Variants in CYRIB observed in about 807,000 individuals in gnomAD.
CYRIB encodes CYFIP-related Rac1 interactor B.
Under a neutral mutation model 44.2 loss-of-function variants are expected in CYRIB, and 8 were observed. That is an observed-to-expected ratio of 0.18 (90% confidence interval 0.11 to 0.33). The LOEUF is 0.33. CYRIB is among the 10% of genes least tolerant of loss of function. CYRIB has a pLI of 1.00. For synonymous variants in CYRIB, 131 were observed against 127.2 expected (o/e 1.03, Z -0.20); for missense variants, 185 against 382.8 (o/e 0.48, Z 4.31).
chr8:129,870,360 T>C (rs868796150), intron 4 of CYRIB, among the ~76,000 whole-genome samples: 1 of 152,206 alleles, frequency 6.6e-6, no homozygotes, highest in African/African-American at 2.4e-5. Flanking sequence ...TAGTGAGCTG[T>C]GGTTGCACCA....
At chr8:129,917,502 T>C (rs1334616769) in intron 1 of CYRIB, among the ~76,000 whole-genome samples, 1 of 152,160 alleles carries the variant, frequency 6.6e-6, no homozygotes, top group East Asian at 1.9e-4. Flanking sequence ...GTAATTGTAA[T>C]GGCATAGGAC....
upstream of CYRIB, among the ~76,000 whole-genome samples, chr8:129,943,723 C>G (rs983338806): frequency 1.3e-5 from 2 of 148,954 alleles, no homozygotes; most frequent in South Asian, 2.2e-4. Context: ...CTCAGCCTCC[C>G]GAGCAGCTGG....
In CYRIB at chr8:129,946,293, CTAGAG is replaced by C. The variant is rs1394442251; in HGVS notation, c.-243+24645_-243+24649del. Among the ~76,000 whole-genome samples the C allele has an allele frequency of 2.6e-5, 4 of 152,316 alleles. No individual in the cohort carries two copies. The East Asian group carries it at 7.7e-4, about 29-fold the overall frequency. On this transcript the variant is annotated intron_variant, in intron 2 of 14. Coordinates refer to the CYRIB transcript ENST00000401979. ...GACATCTTTCAATATGCTTCAGCACCTAGAGTATAGTTTTTGCTGCCTCTGTATCC... is the reference window on the plus strand; with the variant it reads ...GACATCTTTCAATATGCTTCAGCACCTATAGTTTTTGCTGCCTCTGTATCC...
intron 11 of CYRIB, among the ~76,000 whole-genome samples, chr8:129,845,956 C>T (rs979827953): frequency 4.9e-4 from 75 of 152,164 alleles, no homozygotes; most frequent in African/African-American, 1.8e-3. Context: ...CCAGCCTGGC[C>T]AACATGGTGA....
At chr8:130,001,743 G>A (rs921008941) in intron 1 of CYRIB, among the ~76,000 whole-genome samples, 1 of 151,952 alleles carries the variant, frequency 6.6e-6, no homozygotes, top group East Asian at 1.9e-4. Context: ...ACTTCCAAAA[G>A]TGTTGGGATT....
At chr8:129,997,341 C>G (rs2096798376) in intron 1 of CYRIB, among the ~76,000 whole-genome samples, 1 of 152,170 alleles carries the variant, frequency 6.6e-6, no homozygotes, top group South Asian at 2.1e-4. Flanking sequence ...ACAGAATGAG[C>G]CTCCTTTTTT....
intron 1 of CYRIB, among the ~76,000 whole-genome samples, chr8:129,981,461 C>T (rs1181708475): frequency 6.6e-6 from 1 of 152,112 alleles, no homozygotes; most frequent in Non-Finnish European, 1.5e-5. Flanking sequence ...CCAGCCCCAC[C>T]CTTTTTTAAG....
chr8:129,878,667 C>A (rs2133849145), intron 3 of CYRIB, among the ~76,000 whole-genome samples: 1 of 152,010 alleles, frequency 6.6e-6, no homozygotes, highest in African/African-American at 2.4e-5. Flanking sequence ...TATCAACAGC[C>A]AAAAAAAGCA....
intron 2 of CYRIB, among the ~76,000 whole-genome samples, chr8:129,884,587 C>T (rs561207322): frequency 1.9e-4 from 29 of 152,128 alleles, no homozygotes; most frequent in Non-Finnish European, 3.4e-4. Flanking sequence ...CAGGCCCGGC[C>T]GGATTTAAGA....
intron 1 of CYRIB, among the ~76,000 whole-genome samples, chr8:129,985,600 C>G (rs987504017): frequency 4.0e-5 from 6 of 151,830 alleles, no homozygotes; most frequent in Admixed American, 3.3e-4. Context: ...TAATTAAAAT[C>G]AAATATTTGC....
At chr8:129,987,983 A>G (rs2096525835) in intron 1 of CYRIB, among the ~76,000 whole-genome samples, 1 of 152,160 alleles carries the variant, frequency 6.6e-6, no homozygotes, top group African/African-American at 2.4e-5. Context: ...TGATGTCTTC[A>G]ATGTAAAGTT....
chr8:129,890,887 T>A, intron 2 of CYRIB, among the ~76,000 whole-genome samples: 1 of 145,212 alleles, frequency 6.9e-6, no homozygotes, highest in Non-Finnish European at 1.5e-5. Flanking sequence ...AGTGAGAATG[T>A]CCCAAAAAAG....
Position 129,846,868 on chromosome 8 carries a change from CT to C in CYRIB, c.846del (p.Gly283ValfsTer18). The C allele has an allele frequency of 6.3e-7, 1 of 1,579,694 alleles. No individual in the cohort carries two copies. The highest frequency in any genetic ancestry group is 1.4e-5 in the African/African-American group (1 of 72,830). On this transcript the variant is annotated frameshift_variant, in exon 11 of 12. Transcript: ENST00000519824. LOFTEE classifies it high-confidence loss of function. ...TGGTCCTTAAGAACTTTGATACAAC[CT>C]TTCATCTAAAGAAAAAGAAAACAGA... is the stretch of plus-strand genomic sequence containing the variant.
At chr8:130,012,407 C>A (rs564085896) in intron 1 of CYRIB, among the ~76,000 whole-genome samples, 2 of 152,314 alleles carry the variant, frequency 1.3e-5, no homozygotes, top group East Asian at 3.9e-4. Context: ...GGGCTCTATT[C>A]CCAAAGGAAA....
intron 1 of CYRIB, among the ~76,000 whole-genome samples, chr8:129,985,250 G>A (rs529084602): frequency 2.6e-5 from 4 of 152,294 alleles, no homozygotes; most frequent in South Asian, 4.1e-4. Flanking sequence ...ATCATCCAGC[G>A]GATGGGATGG....
intron 1 of CYRIB, among the ~76,000 whole-genome samples, chr8:130,009,962 C>A (rs2097182701): frequency 6.6e-6 from 1 of 152,220 alleles, no homozygotes; most frequent in African/African-American, 2.4e-5. Flanking sequence ...GAGCCAGTGA[C>A]AGGAGACTCT....
At chr8:129,965,965 C>T (rs538245389) in intron 2 of CYRIB, among the ~76,000 whole-genome samples, 4 of 152,184 alleles carry the variant, frequency 2.6e-5, no homozygotes, top group South Asian at 2.1e-4. Flanking sequence ...TATTCTCCTA[C>T]GTCGGCTTCC....
At chr8:129,897,814 G>GCACCC (rs2068863164) in intron 2 of CYRIB, among the ~76,000 whole-genome samples, 2 of 151,924 alleles carry the variant, frequency 1.3e-5, no homozygotes, top group Non-Finnish European at 2.9e-5. Context: ...CACCCAGGCT[G>GCACCC]GAGTGCAGTG....
chr8:129,861,194 A>G (rs188690495), intron 5 of CYRIB, among the ~76,000 whole-genome samples: 30 of 152,232 alleles, frequency 2.0e-4, no homozygotes, highest in Admixed American at 1.9e-3. Flanking sequence ...GTGTCTATTC[A>G]CTGTACAAAA....
Sources: allele counts gnomAD v4.1 joint callset (sites outside exome capture counted in the v4.1 genomes callset), GRCh38; gene constraint gnomAD v4.1.1; transcripts MANE v1.5; gene names NCBI Gene and HGNC (gene_info 2026-07-23, HGNC 2026-07-21).